The following MAP2K5 variants were observed in gnomAD, a reference collection of about 807,000 sequenced individuals.
MAP2K5 encodes mitogen-activated protein kinase kinase 5.
A neutral mutation model predicts 83.1 loss-of-function variants in MAP2K5; 49 were observed. That is an observed-to-expected ratio of 0.59 (90% CI 0.47 to 0.75). MAP2K5 has a LOEUF of 0.75. MAP2K5 is among the 30% of genes least tolerant of loss of function. MAP2K5 has a pLI of 0.00. For synonymous variants in MAP2K5, 202 were observed against 191.8 expected, an observed-to-expected ratio of 1.05 and a Z score of -0.44; for missense variants, 457 against 557.5, an observed-to-expected ratio of 0.82 and a Z score of 1.82.
intron 8 of MAP2K5, among the ~76,000 whole-genome samples, chr15:67,607,378 C>T (rs976862102): frequency 9.2e-5 from 14 of 152,100 alleles, no homozygotes; most frequent in African/African-American, 3.4e-4. Context: ...TTGTTTCATA[C>T]GATAATGTAT....
Position 67,770,198 on chromosome 15 carries a change from T to TA in MAP2K5, c.1196+538dup, listed in dbSNP as rs1317655602. On this transcript the variant is annotated intron_variant, in intron 20 of 21. Coordinates refer to ENST00000178640, the MANE Select transcript of MAP2K5 (RefSeq NM_145160.3). The surrounding 1 kb of genome is among the most constrained non-coding windows in gnomAD (Gnocchi z 5.0). The stretch of plus-strand genomic sequence containing the variant: ...AAACAGTTCAGCCCACTTTAACCCT[T>TA]AAAGAACTGAGAGGAGCCACAGGGG... Among the ~76,000 whole-genome samples the TA allele has an allele frequency of 6.6e-6, 1 of 152,206 alleles. No individual in the cohort carries two copies. The highest frequency in any genetic ancestry group is 1.5e-5 in the Non-Finnish European group (1 of 68,032).
At chr15:67,681,533 GA>G (rs1389596769) in intron 13 of MAP2K5, among the ~76,000 whole-genome samples, 1 of 151,902 alleles carries the variant, frequency 6.6e-6, no homozygotes, top group African/African-American at 2.4e-5. Flanking sequence ...CTTTTAAAAT[GA>G]AAAAAGGAGT....
chr15:67,804,390 G>A (rs2090760329), intron 21 of MAP2K5, among the ~76,000 whole-genome samples: 1 of 152,222 alleles, frequency 6.6e-6, no homozygotes, highest in African/African-American at 2.4e-5. Flanking sequence ...CCTTGCAGGT[G>A]GGGTAAAGTA....
rs560110090 is a variant in MAP2K5 at position 67,760,491 on chromosome 15, G to A, written c.1135-9111G>A. Among the ~76,000 whole-genome samples, 3 of 152,270 alleles carry A rather than the reference G, an allele frequency of 2.0e-5. No individual in the cohort carries two copies. The highest frequency in any genetic ancestry group is 4.1e-4 in the South Asian group (2 of 4,826). On this transcript the variant is annotated intron_variant, in intron 19 of 21. Coordinates refer to ENST00000178640, the MANE Select transcript of MAP2K5 (RefSeq NM_145160.3). This position sits in a 1 kb window ranked among gnomAD's most constrained non-coding sequence, Gnocchi z 4.1. ...TTCCAAGTGGCACTGAGTGAATTCA[G>A]CCAATAGACCTTATCCATTTCTTCT...
chr15:67,787,963 C>T (rs192587602), intron 21 of MAP2K5, among the ~76,000 whole-genome samples: 22 of 152,230 alleles, frequency 1.4e-4, no homozygotes, highest in Admixed American at 9.8e-4. Context: ...TAATAAGGCT[C>T]TTAATAAAAT....
chr15:67,670,281 G>T, intron 13 of MAP2K5: 1 of 392,850 alleles, frequency 2.5e-6, no homozygotes. Flanking sequence ...CCATCCTATG[G>T]GATGGAACAT....
At chr15:67,626,824 CG>C (rs570714360) in intron 8 of MAP2K5, among the ~76,000 whole-genome samples, 83 of 152,044 alleles carry the variant, frequency 5.5e-4, no homozygotes, top group African/African-American at 1.9e-3. Flanking sequence ...CGCTTGAGCC[CG>C]GGAGTTCAAG....
rs2089822012 is a variant in MAP2K5, at chr15:67,755,782, A to G, written c.1134+7181A>G. Among the ~76,000 whole-genome samples the G allele has an allele frequency of 6.6e-6, 1 of 152,222 alleles. No individual in the cohort carries two copies. The highest frequency in any genetic ancestry group is 6.5e-5 in the Admixed American group (1 of 15,280). On this transcript the variant is annotated intron_variant, in intron 19 of 21. Coordinates refer to ENST00000178640, the MANE Select transcript of MAP2K5 (RefSeq NM_145160.3). The surrounding 1 kb of genome is among the most constrained non-coding windows in gnomAD (Gnocchi z 4.7). ...GAACTTGCAGAAGACATAGACTTTT[A>G]TAAGTGGGATTTTGTAATGATGAGC...
chr15:67,708,179 C>T lies in MAP2K5; in HGVS notation c.1044+4771C>T, dbSNP rs1253343275. 6.6e-6 allele frequency among the ~76,000 whole-genome samples: 1 copy of T among 151,612 alleles called. No homozygotes were observed. Among genetic ancestry groups the T allele is most frequent in the Non-Finnish European group, 1.5e-5 (1 of 67,894 alleles). On this transcript the variant is annotated intron_variant, in intron 16 of 21. Transcript: ENST00000178640. The surrounding 1 kb of genome is among the most constrained non-coding windows in gnomAD (Gnocchi z 4.9). ...AAAACAATTTTTTTTTTCATTTAGC[C>T]AGGAATGGTGGTGTGTGCCTATAGT...
chr15:67,603,011 A>C (rs1204385800), intron 8 of MAP2K5, among the ~76,000 whole-genome samples: 1 of 152,170 alleles, frequency 6.6e-6, no homozygotes. Context: ...CCCATCCCCC[A>C]AGGGAAAATT....
intron 17 of MAP2K5, among the ~76,000 whole-genome samples, chr15:67,742,182 C>T (rs1371674123): frequency 6.6e-6 from 1 of 152,194 alleles, no homozygotes; most frequent in African/African-American, 2.4e-5. Flanking sequence ...TGAGCCACTG[C>T]GCCCGGCCAA....
intron 21 of MAP2K5, among the ~76,000 whole-genome samples, chr15:67,800,649 G>A (rs1464380799): frequency 6.6e-6 from 1 of 152,132 alleles, no homozygotes; most frequent in Non-Finnish European, 1.5e-5. Flanking sequence ...CAGACAAATG[G>A]TACTCAAACC....
intron 8 of MAP2K5, chr15:67,628,017 T>G: frequency 2.7e-6 from 2 of 748,100 alleles, no homozygotes; most frequent in Non-Finnish European, 4.7e-6. Flanking sequence ...CTCCTGGGGC[T>G]TTGGGTTTGT....
Position 67,559,865 on chromosome 15 carries a change from A to G in MAP2K5, c.185-3418A>G, listed in dbSNP as rs1390624065. Among the ~76,000 whole-genome samples, 1 of 152,202 alleles carries G rather than the reference A, an allele frequency of 6.6e-6. No homozygotes were observed. The highest frequency in any genetic ancestry group is 1.5e-5 in the Non-Finnish European group (1 of 68,044). ...TTTGGTCAGATGGCAAAGAACCTCC[A>G]TGTATAAGATAGAAAAAGCTCAAAT... On this transcript the variant is annotated intron_variant, in intron 2 of 21. Transcript: ENST00000178640. The surrounding 1 kb of genome is among the most constrained non-coding windows in gnomAD (Gnocchi z 4.7).
In MAP2K5 at chr15:67,638,062, CTTTTAATTTAACTT is replaced by C. The variant is rs1408181903; in HGVS notation, c.585+7152_585+7165del. On this transcript the variant is annotated intron_variant, in intron 9 of 21. Transcript: ENST00000178640. This position sits in a 1 kb window ranked among gnomAD's most constrained non-coding sequence, Gnocchi z 4.5. ...AAATTAAAAAAGTTAATTTTTTTAA[CTTTTAATTTAACTT>C]TTTTAATTTAACTTTTAAGGGGTAC... 1.5e-4 allele frequency among the ~76,000 whole-genome samples: 22 copies of C among 151,052 alleles called. No homozygotes were observed. Among genetic ancestry groups the C allele is most frequent in the Admixed American group, 1.3e-3 (20 of 15,200 alleles).
intron 19 of MAP2K5, among the ~76,000 whole-genome samples, chr15:67,765,804 A>G (rs989271663): frequency 6.6e-6 from 1 of 152,160 alleles, no homozygotes. Flanking sequence ...TTTATGCCTG[A>G]GTACCTTGCT....
intron 8 of MAP2K5, among the ~76,000 whole-genome samples, chr15:67,626,759 G>A (rs2086333690): frequency 6.6e-6 from 1 of 151,774 alleles, no homozygotes; most frequent in South Asian, 2.1e-4. Context: ...AATTAGCCAG[G>A]CATGGTGGTA....
intron 8 of MAP2K5, among the ~76,000 whole-genome samples, chr15:67,621,575 A>G (rs1447623464): frequency 1.3e-5 from 2 of 152,186 alleles, no homozygotes; most frequent in African/African-American, 2.4e-5. Context: ...ATAAAAAGGG[A>G]ACATAATTCT....
chr15:67,547,072 AAG>A (rs1235362266), intron 1 of MAP2K5, among the ~76,000 whole-genome samples: 55 of 120,488 alleles, frequency 4.6e-4, no homozygotes, highest in African/African-American at 1.6e-3. Flanking sequence ...CTCAAAAAAG[AAG>A]AAAACACACA....
Sources: gnomAD v4.1 joint callset for allele counts (sites outside exome capture counted in the v4.1 genomes callset) on GRCh38, gnomAD v4.1.1 for gene constraint, Gnocchi (gnomAD v3.1) non-coding constraint, MANE v1.5 for transcripts, NCBI Gene and HGNC (gene_info 2026-07-23, HGNC 2026-07-21) for gene names.